The following PHAF1 variants were observed in gnomAD, a reference collection of about 807,000 sequenced individuals.
The protein encoded by PHAF1 is phagosome assembly factor 1.
Under a neutral mutation model 63.1 loss-of-function variants are expected in PHAF1, and 23 were observed. That is an observed-to-expected ratio of 0.36 (90% CI 0.26 to 0.52). The LOEUF (loss-of-function observed/expected upper bound fraction) is 0.52. Ranked by LOEUF, PHAF1 falls within the 20% of genes least tolerant of loss-of-function variation. The pLI is 0.93. For missense variants in PHAF1, 427 were observed against 517.2 expected, an observed-to-expected ratio of 0.83 and a Z score of 1.69; for synonymous variants, 167 against 185.0, an observed-to-expected ratio of 0.90 and a Z score of 0.79.
intron 1 of PHAF1, among the ~76,000 whole-genome samples, chr16:67,118,139 T>C (rs1253658082): frequency 2.1e-5 from 3 of 143,602 alleles, no homozygotes; most frequent in Admixed American, 1.4e-4. Flanking sequence ...TTTTTTTTTT[T>C]TTTTTTTTCT....
At position 67,132,757 on chromosome 16, in the gene PHAF1, A is replaced by C. The variant is rs565686389; in HGVS notation, c.356-60A>C. ...TCATTACTCCCTGCCAGGCTGGTTT[A>C]TGTTAGCCATTTCAGATGCCAGTCA... On this transcript the variant is annotated intron_variant, in intron 5 of 15. Transcript: ENST00000219139. 18 of 1,447,478 alleles carry C rather than the reference A, an allele frequency of 1.2e-5. No homozygotes were observed. The Admixed American group carries it at 3.0e-4, about 24-fold the overall frequency. The allele number at this position is 1,447,478 out of a possible 1,614,324, so 89.7% of individuals were successfully genotyped here.
chr16:67,131,249 C>A, intron 3 of PHAF1, 37 bp from the exon 4 acceptor site: 3 of 1,206,556 alleles, frequency 2.5e-6, no homozygotes, highest in Non-Finnish European at 3.5e-6. Flanking sequence ...TCTGTCATCA[C>A]TTTCAGAGCA....
chr16:67,110,399 A>C (rs967319903), intron 1 of PHAF1, among the ~76,000 whole-genome samples, 160 bp downstream of exon 1: 3 of 151,570 alleles, frequency 2.0e-5, no homozygotes, highest in Admixed American at 1.3e-4. Context: ...ACCCGCTCCA[A>C]CTGGCCCGAT....
intron 8 of PHAF1, chr16:67,134,828 CCCTGACCTTCTAATACCATCA>C (rs1963553182): frequency 2.4e-6 from 1 of 422,270 alleles, no homozygotes; most frequent in South Asian, 1.7e-5. Context: ...CCTCCCAAAG[CCCTGACCTTCTAATACCATCA>C]CCTTGGTGGT....
At position 67,148,187 on chromosome 16, in the gene PHAF1, C is replaced by A. The variant is rs2030262246; in HGVS notation, c.*1056C>A. The stretch of plus-strand genomic sequence containing the variant: ...TTTGTGAGTTTTTCAAATGTGTGTA[C>A]AGATTTTTGTAAATATGACTCTTTT... On this transcript the variant is annotated 3_prime_UTR_variant, in exon 16 of 16. Transcript: ENST00000219139. 1 of 152,624 alleles carries A rather than the reference C, an allele frequency of 6.6e-6. No homozygotes were observed. The highest frequency in any genetic ancestry group is 1.5e-5 in the Non-Finnish European group (1 of 68,052). 9.5% of individuals were successfully genotyped at this position (152,624 alleles called of 1,614,324 possible). A position where few individuals can be genotyped will look rare whatever the true frequency, so the allele number is the denominator to read the frequency against.
chr16:67,138,221 G>A (rs568216439), intron 8 of PHAF1, among the ~76,000 whole-genome samples: 60 of 152,244 alleles, frequency 3.9e-4, no homozygotes, highest in Non-Finnish European at 6.2e-4. Flanking sequence ...TGGATACTTT[G>A]GGCCCAGAGT....
chr16:67,134,500 G>C (rs369353129), intron 8 of PHAF1, 33 bp downstream of exon 8: 6 of 1,514,298 alleles, frequency 4.0e-6, no homozygotes, highest in Non-Finnish European at 5.5e-6. Flanking sequence ...GGTACATTCC[G>C]CATTATACCC....
chr16:67,140,390 C>A, intron 9 of PHAF1, 121 bp from the exon 10 acceptor site: 1 of 941,244 alleles, frequency 1.1e-6, no homozygotes, highest in Non-Finnish European at 1.6e-6. Context: ...AGCTGAGACT[C>A]CCCACTCTTG....
intron 14 of PHAF1, 29 bp from the exon 15 acceptor site, chr16:67,146,249 C>G (rs1442510573): frequency 6.2e-7 from 1 of 1,600,418 alleles, no homozygotes; most frequent in Non-Finnish European, 8.6e-7. Context: ...CTCTGTCTGC[C>G]TCTCTAATTC....
At chr16:67,120,587 G>T (rs1261861215) in intron 2 of PHAF1, among the ~76,000 whole-genome samples, 1 of 149,044 alleles carries the variant, frequency 6.7e-6, no homozygotes, top group Non-Finnish European at 1.5e-5. Context: ...TTGCAGTGCA[G>T]ATCTCTAGCT....
intron 10 of PHAF1, among the ~76,000 whole-genome samples, chr16:67,141,264 G>T (rs1490646569): frequency 1.3e-5 from 2 of 152,164 alleles, no homozygotes; most frequent in Non-Finnish European, 2.9e-5. Flanking sequence ...TGCCTAAGTG[G>T]GAAAGACCAA....
intron 6 of PHAF1, among the ~76,000 whole-genome samples, chr16:67,133,254 C>T (rs1312685342): frequency 6.6e-6 from 1 of 152,126 alleles, no homozygotes; most frequent in Non-Finnish European, 1.5e-5. Flanking sequence ...TTTTCAGTTA[C>T]CTTTGTTTTT....
intron 10 of PHAF1, 60 bp downstream of exon 10, chr16:67,140,654 G>A: frequency 8.0e-7 from 1 of 1,247,794 alleles, no homozygotes; most frequent in Non-Finnish European, 1.2e-6. Flanking sequence ...GTGCATCTTT[G>A]CAGATCTGTG....
At position 67,134,236 on chromosome 16, in the gene PHAF1, C is replaced by G; in HGVS notation, c.519C>G (p.Ile173Met). 6.2e-7 allele frequency: 1 copy of G among 1,614,080 alleles called. No individual in the cohort carries two copies. The highest frequency in any genetic ancestry group is 8.5e-7 in the Non-Finnish European group (1 of 1,179,920). Residue 173 changes from isoleucine to methionine, a missense_variant, in exon 7 of 16, where the codon ATC becomes ATG. Coordinates refer to ENST00000219139, the MANE Select transcript of PHAF1 (RefSeq NM_025187.5). ...PHGATVKRMY[I>M]YSGNSLQDTK... ...GAGCAACTGTAAAACGAATGTACAT[C>G]TACAGTGGCAACAGCCTGCAGGATA... is the stretch of plus-strand genomic sequence containing the variant.
intron 3 of PHAF1, 83 bp downstream of exon 3, chr16:67,126,125 T>C (rs750148605): frequency 1.1e-5 from 12 of 1,079,236 alleles, no homozygotes; most frequent in Non-Finnish European, 1.7e-5. Flanking sequence ...TTGTGAGATG[T>C]TTCAAAACTT....
intron 2 of PHAF1, among the ~76,000 whole-genome samples, chr16:67,124,077 G>C (rs1963090001): frequency 6.6e-6 from 1 of 151,934 alleles, no homozygotes; most frequent in Non-Finnish European, 1.5e-5. Context: ...AAAATTGCTA[G>C]GTTATATCCT....
intron 1 of PHAF1, among the ~76,000 whole-genome samples, chr16:67,111,752 T>C (rs1327116880): frequency 6.6e-6 from 1 of 152,098 alleles, no homozygotes; most frequent in Non-Finnish European, 1.5e-5. Context: ...TCCCTACTAG[T>C]AGCTGGGATT....
rs1223171683 is a variant in PHAF1 at position 67,134,814 on chromosome 16, A to T, written c.661+347A>T. The T allele has an allele frequency of 6.7e-6, 3 of 447,750 alleles. No individual in the cohort carries two copies. In the East Asian group the frequency reaches 2.0e-4, roughly 29 times the overall value. The allele number at this position is 447,750 out of a possible 1,614,324, so 27.7% of individuals were successfully genotyped here. A position where few individuals can be genotyped will look rare whatever the true frequency, so the allele number is the denominator to read the frequency against. On this transcript the variant is annotated intron_variant, in intron 8 of 15. Coordinates refer to ENST00000219139, the MANE Select transcript of PHAF1 (RefSeq NM_025187.5). The stretch of plus-strand genomic sequence containing the variant: ...CTGAGGTCTCTGCTTCCATAATGTA[A>T]TCACCTCCCAAAGCCCTGACCTTCT...
At chr16:67,131,673 C>T (rs1963406214) in intron 4 of PHAF1, among the ~76,000 whole-genome samples, 4 of 152,176 alleles carry the variant, frequency 2.6e-5, no homozygotes, top group African/African-American at 4.8e-5. Context: ...TCATGAGTAA[C>T]AGAGGTGGGA....
Sources: gnomAD v4.1 joint callset for allele counts (sites outside exome capture counted in the v4.1 genomes callset) on GRCh38, gnomAD v4.1.1 for gene constraint, MANE v1.5 for transcripts, NCBI Gene and HGNC (gene_info 2026-07-23, HGNC 2026-07-21) for gene names.